PADI2: variants seen among roughly 807,000 people sequenced by gnomAD.
The protein encoded by PADI2 is protein-arginine deiminase type-2.
PADI2 carries 70 observed loss-of-function variants against 81.1 expected under a neutral mutation model. That is an observed-to-expected ratio of 0.86 (90% CI 0.71 to 1.05). The LOEUF (loss-of-function observed/expected upper bound fraction) is 1.05, where lower values mean the gene tolerates loss of function less well. PADI2 is among the 50% of genes least tolerant of loss of function. PADI2 has a pLI of 0.00. For synonymous variants in PADI2, 338 were observed against 358.0 expected, an observed-to-expected ratio of 0.94 and a Z score of 0.63; for missense variants, 853 against 889.9, an observed-to-expected ratio of 0.96 and a Z score of 0.53.
chr1:17,095,817 T>C (rs1930902444), intron 4 of PADI2, 92 bp downstream of exon 4: 21 of 989,072 alleles, frequency 2.1e-5, no homozygotes, highest in Non-Finnish European at 3.1e-5. Flanking sequence ...TTTAGTCTCC[T>C]GAGCTGTGAA....
rs1358479522 is a variant in PADI2 at position 17,070,100 on chromosome 1, G to T, written c.1752C>A (p.Phe584Leu). ...KMDEDHRARA[F>L]FPNMVNMIVL... Reference sequence around the variant, plus strand: ...TGCAGGGCCTCACCATGTTTGGGAAGAAGGCTCTGGCACGGTGGTCCTCGT... The same window carrying T: ...TGCAGGGCCTCACCATGTTTGGGAATAAGGCTCTGGCACGGTGGTCCTCGT... The change falls in exon 15 of 16, where the codon TTC becomes TTA. Residue 584 changes from phenylalanine (F) to leucine (L), a missense_variant. Coordinates refer to ENST00000375486, the MANE Select transcript of PADI2 (RefSeq NM_007365.3). 1 of 1,614,002 alleles carries T rather than the reference G, an allele frequency of 6.2e-7. No homozygotes were observed. The highest frequency in any genetic ancestry group is 1.7e-5 in the Admixed American group (1 of 60,024).
chr1:17,092,561 G>C (rs199892267), intron 5 of PADI2, 28 bp from the exon 6 acceptor site: 2 of 1,546,410 alleles, frequency 1.3e-6, no homozygotes, highest in Non-Finnish European at 1.7e-6. Context: ...AGAATGAAGA[G>C]ATCTATCTGT....
intron 1 of PADI2, among the ~76,000 whole-genome samples, chr1:17,114,919 T>C (rs1222470292): frequency 1.3e-5 from 2 of 152,074 alleles, no homozygotes; most frequent in Admixed American, 1.3e-4. Flanking sequence ...TGCTGAGGAA[T>C]TGCTAGAAGA....
rs949009201 is a variant in PADI2, at chr1:17,102,974, C to T, written c.349+13G>A. On this transcript the variant is annotated intron_variant, in intron 3 of 15. Coordinates refer to ENST00000375486, the MANE Select transcript of PADI2 (RefSeq NM_007365.3). ...GTGATGAAGGCACTGAGACGGCAACCATGCCAACTCACCAATGGCTGTGAG... is the reference window on the plus strand; with the variant it reads ...GTGATGAAGGCACTGAGACGGCAACTATGCCAACTCACCAATGGCTGTGAG... 1 of 1,601,136 alleles carries T rather than the reference C, an allele frequency of 6.2e-7. No homozygotes were observed. The highest frequency in any genetic ancestry group is 1.3e-5 in the African/African-American group (1 of 74,752).
In PADI2 at chr1:17,114,814, G is replaced by A. The variant is rs78492014; in HGVS notation, c.92+4466C>T. ...TGGGGGATGGTGTTCCAGGCAGAGG[G>A]AACAGCAACTGCAAAGGCCCTGAGG... is the stretch of plus-strand genomic sequence containing the variant. On this transcript the variant is annotated intron_variant, in intron 1 of 15. Transcript: ENST00000375486. Among the ~76,000 whole-genome samples, 412 of 152,250 alleles carry A rather than the reference G, an allele frequency of 2.7e-3. 2 individuals are homozygous for A. The highest frequency in any genetic ancestry group is 9.4e-3 in the African/African-American group (388 of 41,496).
intron 6 of PADI2, among the ~76,000 whole-genome samples, chr1:17,088,568 T>C (rs1261348411): frequency 1.3e-5 from 2 of 152,066 alleles, no homozygotes; most frequent in Admixed American, 1.3e-4. Context: ...TGACTTCCAA[T>C]GTCAGAGGGA....
chr1:17,108,700 G>T (rs1438204212), intron 1 of PADI2, among the ~76,000 whole-genome samples: 1 of 152,162 alleles, frequency 6.6e-6, no homozygotes, highest in East Asian at 1.9e-4. Context: ...TCTACAAGAA[G>T]ACTTATGTGT....
chr1:17,111,231 G>A (rs1020394761), intron 1 of PADI2, among the ~76,000 whole-genome samples: 2 of 151,786 alleles, frequency 1.3e-5, no homozygotes. Context: ...GGGATTATAG[G>A]AGCCCACCAC....
chr1:17,079,844 G>T (rs1327401317), intron 10 of PADI2, among the ~76,000 whole-genome samples: 1 of 151,770 alleles, frequency 6.6e-6, no homozygotes, highest in Non-Finnish European at 1.5e-5. Context: ...GCCCAGGCTG[G>T]AGTGCGGTGG....
rs11380769 is a variant in PADI2 at position 17,100,660 on chromosome 1, A to ATT, written c.349+2325_349+2326dup. On this transcript the variant is annotated intron_variant, in intron 3 of 15. Transcript: ENST00000375486. ...AAATGATAGTGATAGTTGATAGCAAATTTTTTTTTTTTTTTTTTTGAGACA... is the reference window on the plus strand; with the variant it reads ...AAATGATAGTGATAGTTGATAGCAAATTTTTTTTTTTTTTTTTTTTTGAGACA... Among the ~76,000 whole-genome samples, 700 of 131,042 alleles carry ATT rather than the reference A, an allele frequency of 5.3e-3. 9 individuals carry two copies. Among genetic ancestry groups the ATT allele is most frequent in the South Asian group, 0.02 (84 of 4,108 alleles). The allele number at this position is 131,042 out of a possible 152,430, so 86.0% of individuals were successfully genotyped here.
chr1:17,083,933 G>T, intron 8 of PADI2, 96 bp from the exon 9 acceptor site: 1 of 792,956 alleles, frequency 1.3e-6, no homozygotes, highest in Non-Finnish European at 2.2e-6. Context: ...GTATCTCTGG[G>T]CTGTGCCGGG....
intron 3 of PADI2, among the ~76,000 whole-genome samples, chr1:17,097,886 T>G (rs1930996096): frequency 6.6e-6 from 1 of 152,068 alleles, no homozygotes; most frequent in Non-Finnish European, 1.5e-5. Context: ...CTGAAACTCC[T>G]CCCTCGGAAG....
chr1:17,106,952 C>T (rs1931402871), intron 1 of PADI2, among the ~76,000 whole-genome samples: 2 of 152,150 alleles, frequency 1.3e-5, no homozygotes, highest in Admixed American at 6.6e-5. Context: ...TCTCGGACTT[C>T]CAGCCTCCAG....
At position 17,074,855 on chromosome 1, in the gene PADI2, C is replaced by G; in HGVS notation, c.1549+1G>C. On this transcript the variant is annotated splice_donor_variant, in intron 13 of 15. Transcript: ENST00000375486. LOFTEE classifies it high-confidence loss of function. The stretch of plus-strand genomic sequence containing the variant: ...CCTGTCAAGGCCCTGTGGCCACTCA[C>G]CTTTGAACATGATGGCCTCTCCATG... 6.2e-7 allele frequency: 1 copy of G among 1,604,168 alleles called. No individual in the cohort carries two copies. The highest frequency in any genetic ancestry group is 8.5e-7 in the Non-Finnish European group (1 of 1,172,360).
intron 6 of PADI2, among the ~76,000 whole-genome samples, chr1:17,089,458 C>T (rs1460117892): frequency 6.6e-6 from 1 of 152,226 alleles, no homozygotes; most frequent in Non-Finnish European, 1.5e-5. Context: ...CAAAGCTTTC[C>T]CAGGGCTCAG....
intron 1 of PADI2, among the ~76,000 whole-genome samples, chr1:17,107,609 C>G (rs1021959899): frequency 4.6e-5 from 7 of 152,212 alleles, no homozygotes; most frequent in African/African-American, 1.7e-4. Context: ...CTTTGAGAAC[C>G]ACTGGTCCAG....
At chr1:17,085,567 C>T (rs1041985613) in intron 7 of PADI2, among the ~76,000 whole-genome samples, 1 of 152,160 alleles carries the variant, frequency 6.6e-6, no homozygotes, top group African/African-American at 2.4e-5. Context: ...CTCACAACCA[C>T]CCCCGGCAGC....
chr1:17,077,433 G>C (rs1030036559), intron 11 of PADI2, among the ~76,000 whole-genome samples: 5 of 152,012 alleles, frequency 3.3e-5, no homozygotes, highest in Admixed American at 1.3e-4. Context: ...GTCTTTAAGG[G>C]CCGCCCCTGA....
chr1:17,070,637 T>C (rs2101569026), intron 14 of PADI2, among the ~76,000 whole-genome samples: 1 of 152,342 alleles, frequency 6.6e-6, no homozygotes, highest in East Asian at 1.9e-4. Flanking sequence ...GCTCCAGCCC[T>C]GTAATATAGA....
Sources: allele counts gnomAD v4.1 joint callset (sites outside exome capture counted in the v4.1 genomes callset), GRCh38; gene constraint gnomAD v4.1.1; transcripts MANE v1.5; gene names NCBI Gene and HGNC (gene_info 2026-07-23, HGNC 2026-07-21).